GSTCD: variants seen among roughly 807,000 people sequenced by gnomAD.
GSTCD encodes glutathione S-transferase C-terminal domain-containing protein.
In GSTCD, 44 loss-of-function variants were observed where a neutral mutation model predicts 68.3. The ratio of observed to expected loss-of-function variants is 0.64; its 90% CI spans 0.51 to 0.83. The LOEUF is 0.83. GSTCD is among the 40% of genes least tolerant of loss of function. The pLI is 0.00. For synonymous variants in GSTCD, 273 were observed against 255.2 expected (o/e 1.07, Z -0.67); for missense variants, 739 against 735.9 (o/e 1.00, Z -0.05).
intron 5 of GSTCD, among the ~76,000 whole-genome samples, chr4:105,763,661 T>C (rs1389419860): frequency 1.3e-5 from 2 of 152,160 alleles, no homozygotes; most frequent in East Asian, 3.8e-4. Context: ...ACCAAAGGAG[T>C]AATTATAAAC....
intron 5 of GSTCD, among the ~76,000 whole-genome samples, chr4:105,750,460 C>CAAAAAA (rs1024094979): frequency 2.3e-4 from 12 of 51,136 alleles, no homozygotes; most frequent in South Asian, 6.5e-4. Context: ...AACTCCGTCT[C>CAAAAAA]AAAAAAAAAA....
At chr4:105,754,217 A>G (rs1045856477) in intron 5 of GSTCD, among the ~76,000 whole-genome samples, 1 of 152,140 alleles carries the variant, frequency 6.6e-6, no homozygotes, top group Non-Finnish European at 1.5e-5. Context: ...GCCAACTTAC[A>G]TTGGAGAGAT....
Position 105,845,663 on chromosome 4 carries a change from A to AAACAGCATTAGCG in GSTCD, c.*98_*99insGAACAGCATTAGC. 7.1e-7 allele frequency: 1 copy of AAACAGCATTAGCG among 1,398,746 alleles called. No individual in the cohort carries two copies. Among genetic ancestry groups the AAACAGCATTAGCG allele is most frequent in the Non-Finnish European group, 1.0e-6 (1 of 998,866 alleles). 86.6% of individuals were successfully genotyped at this position (1,398,746 alleles called of 1,614,324 possible). ...TCAGGAGGTTCTTGGCATAACTAGG[A>AAACAGCATTAGCG]AACAGCATTAGCCATCTTGAACCTA... is the stretch of plus-strand genomic sequence containing the variant. On this transcript the variant is annotated 3_prime_UTR_variant, in exon 12 of 12. Coordinates refer to ENST00000515279, the MANE Select transcript of GSTCD (RefSeq NM_001370181.1).
intron 5 of GSTCD, among the ~76,000 whole-genome samples, chr4:105,743,416 C>T (rs1347301918): frequency 1.3e-5 from 2 of 152,056 alleles, no homozygotes; most frequent in Non-Finnish European, 2.9e-5. Context: ...CTTGAAACTA[C>T]AGATCCTTTA....
rs774775097 is a variant in GSTCD at position 105,719,263 on chromosome 4, T to A, written c.630T>A (p.Pro210=). 6.2e-7 allele frequency: 1 copy of A among 1,614,014 alleles called. No individual in the cohort carries two copies. Among genetic ancestry groups the A allele is most frequent in the South Asian group, 1.1e-5 (1 of 91,078 alleles). Residue 210 remains proline, a synonymous_variant, in exon 3 of 12, where the codon CCT becomes CCA. Coordinates refer to ENST00000515279, the MANE Select transcript of GSTCD (RefSeq NM_001370181.1). ...AACAGAAGGCTGATGGAGTTGGGCC[T>A]CCCCTTACTAAGGGAAAGGCAAAGA... The part of the protein sequence containing the change: ...LKQQKADGVG[P]PLTKGKAKSK...
At chr4:105,747,866 C>A (rs12639750) in intron 5 of GSTCD, among the ~76,000 whole-genome samples, 106,386 of 150,818 alleles carry the variant, frequency 0.71, 38,741 homozygotes, top group East Asian at 0.9. Flanking sequence ...TTAAAAAATT[C>A]TTCAGGTTGA....
intron 5 of GSTCD, among the ~76,000 whole-genome samples, chr4:105,745,065 T>C (rs926255479): frequency 3.3e-5 from 5 of 152,228 alleles, no homozygotes; most frequent in African/African-American, 1.2e-4. Context: ...GGATTCTTCC[T>C]GCTTTTTCCA....
chr4:105,779,526 AT>A (rs1735199393), intron 5 of GSTCD, among the ~76,000 whole-genome samples: 1 of 152,196 alleles, frequency 6.6e-6, no homozygotes, highest in South Asian at 2.1e-4. Context: ...TCAGTAAAAT[AT>A]TAAGTATGGA....
intron 5 of GSTCD, among the ~76,000 whole-genome samples, chr4:105,778,156 T>G (rs898831679): frequency 5.3e-5 from 8 of 152,100 alleles, no homozygotes; most frequent in African/African-American, 1.7e-4. Context: ...CAGGGAGAAG[T>G]GTCAGCTAAG....
At chr4:105,768,262 C>G (rs1734701320) in intron 5 of GSTCD, among the ~76,000 whole-genome samples, 1 of 152,048 alleles carries the variant, frequency 6.6e-6, no homozygotes, top group South Asian at 2.1e-4. Flanking sequence ...GATCTCCTGA[C>G]CTCGTGATCC....
intron 5 of GSTCD, among the ~76,000 whole-genome samples, chr4:105,745,566 C>A (rs1733772008): frequency 6.6e-6 from 1 of 152,198 alleles, no homozygotes; most frequent in South Asian, 2.1e-4. Context: ...GAGTCACCCT[C>A]TGTTTTTGCC....
intron 5 of GSTCD, among the ~76,000 whole-genome samples, chr4:105,793,750 C>A (rs990516252): frequency 1.3e-5 from 2 of 151,908 alleles, no homozygotes; most frequent in African/African-American, 4.8e-5. Flanking sequence ...TTTCCACAAG[C>A]CAGTAAAAAA....
chr4:105,768,171 G>T (rs947536425), intron 5 of GSTCD, among the ~76,000 whole-genome samples: 1 of 151,918 alleles, frequency 6.6e-6, no homozygotes, highest in African/African-American at 2.4e-5. Context: ...GGGACTACAG[G>T]CGCCCACCAC....
intron 5 of GSTCD, among the ~76,000 whole-genome samples, chr4:105,758,209 A>G (rs1734265520): frequency 6.6e-6 from 1 of 152,226 alleles, no homozygotes; most frequent in Admixed American, 6.5e-5. Flanking sequence ...CCCTCAACTT[A>G]TCATTATCGC....
At chr4:105,765,529 G>T (rs569707768) in intron 5 of GSTCD, among the ~76,000 whole-genome samples, 35 of 152,230 alleles carry the variant, frequency 2.3e-4, no homozygotes, top group African/African-American at 7.9e-4. Flanking sequence ...GTTGAGGTTG[G>T]GCTCCTTGAA....
chr4:105,799,829 A>C (rs1213951860), intron 5 of GSTCD, among the ~76,000 whole-genome samples: 1 of 151,560 alleles, frequency 6.6e-6, no homozygotes, highest in Admixed American at 6.6e-5. Context: ...AAAAAAAAAA[A>C]ATCTTCATTT....
At chr4:105,779,127 A>C (rs1735183603) in intron 5 of GSTCD, among the ~76,000 whole-genome samples, 1 of 152,216 alleles carries the variant, frequency 6.6e-6, no homozygotes, top group Non-Finnish European at 1.5e-5. Context: ...AACATCCTTT[A>C]TAACAACAGA....
chr4:105,728,879 G>A (rs776973816), intron 4 of GSTCD, among the ~76,000 whole-genome samples: 1 of 152,118 alleles, frequency 6.6e-6, no homozygotes, highest in East Asian at 1.9e-4. Context: ...AAAATATTGG[G>A]AACCATTTGG....
At chr4:105,787,408 A>T (rs1735505296) in intron 5 of GSTCD, among the ~76,000 whole-genome samples, 2 of 152,070 alleles carry the variant, frequency 1.3e-5, no homozygotes, top group South Asian at 4.1e-4. Context: ...GCCTGTTAAA[A>T]TACATATTTT....
Sources: gnomAD v4.1 joint callset for allele counts (sites outside exome capture counted in the v4.1 genomes callset) on GRCh38, gnomAD v4.1.1 for gene constraint, MANE v1.5 for transcripts, NCBI Gene and HGNC (gene_info 2026-07-23, HGNC 2026-07-21) for gene names.